Variants in FNDC3B observed in about 807,000 individuals in gnomAD.
FNDC3B encodes fibronectin type III domain-containing protein 3B.
FNDC3B carries 12 observed loss-of-function variants against 151.5 expected under a neutral mutation model. The ratio of observed to expected loss-of-function variants is 0.08; its 90% confidence interval spans 0.05 to 0.13. The LOEUF is 0.13. FNDC3B is among the 10% of genes least tolerant of loss of function. The pLI, the probability that FNDC3B is intolerant of heterozygous loss-of-function variation, is 1.00. For missense variants in FNDC3B, 1,214 were observed against 1,505.3 expected (o/e 0.81, Z 3.20); for synonymous variants, 528 against 549.0 (o/e 0.96, Z 0.54).
At chr3:172,346,137 C>CTAA in intron 19 of FNDC3B, 190 bp from the exon 20 acceptor site, 1 of 355,634 alleles carries the variant, frequency 2.8e-6, no homozygotes, top group Admixed American at 4.6e-5. Flanking sequence ...TACTCAGGGA[C>CTAA]TGTATATAGG....
chr3:172,393,010 T>C (rs1465866150), intron 25 of FNDC3B, among the ~76,000 whole-genome samples: 6 of 151,830 alleles, frequency 4.0e-5, no homozygotes, highest in Non-Finnish European at 8.8e-5. Flanking sequence ...ACCATGTTGG[T>C]CACGCTGGTC....
chr3:172,151,253 T>A (rs1030167043), intron 3 of FNDC3B, among the ~76,000 whole-genome samples: 1 of 152,238 alleles, frequency 6.6e-6, no homozygotes, highest in Non-Finnish European at 1.5e-5. Flanking sequence ...CACTTCCGTG[T>A]GTTCTGCTTT....
chr3:172,372,353 G>A (rs1360231129), intron 23 of FNDC3B, among the ~76,000 whole-genome samples: 1 of 152,140 alleles, frequency 6.6e-6, no homozygotes, highest in African/African-American at 2.4e-5. Flanking sequence ...GCGTGGGCTG[G>A]GGCTCCTGTG....
At chr3:172,350,250 G>A (rs1035632329) in intron 21 of FNDC3B, among the ~76,000 whole-genome samples, 1 of 152,112 alleles carries the variant, frequency 6.6e-6, no homozygotes. Flanking sequence ...TATGAATTAG[G>A]CATTACTGTC....
chr3:172,122,133 CTCTTT>C (rs371678412), intron 2 of FNDC3B, among the ~76,000 whole-genome samples: 155 of 152,318 alleles, frequency 1.0e-3, no homozygotes, highest in African/African-American at 3.5e-3. Flanking sequence ...TGTAGGCAGA[CTCTTT>C]TCTTTTTTAG....
chr3:172,386,966 CT>C (rs1334924713), intron 25 of FNDC3B, among the ~76,000 whole-genome samples: 2 of 151,362 alleles, frequency 1.3e-5, no homozygotes, highest in Admixed American at 1.3e-4. Flanking sequence ...TTGGAGCCTC[CT>C]TTTTTTTGAG....
chr3:172,344,115 G>T lies in FNDC3B; in HGVS notation c.2107G>T (p.Val703Phe). Residue 703 changes from valine (V) to phenylalanine (F), a missense_variant, in exon 19 of 26, where the codon GTC becomes TTC. Around this residue, in one of 7 missense-constraint regions of FNDC3B, gnomAD observed 380 missense variants for 420.9 expected, o/e 0.90. Transcript: ENST00000415807. The part of the protein sequence containing the change: ...DVPASESGCE[V>F]SEYSVEMTEP... ...TCCTGCATCGGAAAGTGGCTGTGAG[G>T]TCTCAGAGTACAGCGTGGAGATGAC... 6.2e-7 allele frequency: 1 copy of T among 1,613,040 alleles called. No homozygotes were observed. Among genetic ancestry groups the T allele is most frequent in the Non-Finnish European group, 8.5e-7 (1 of 1,179,468 alleles).
At chr3:172,323,841 A>C (rs1405812078) in intron 11 of FNDC3B, among the ~76,000 whole-genome samples, 1 of 152,176 alleles carries the variant, frequency 6.6e-6, no homozygotes, top group Non-Finnish European at 1.5e-5. Context: ...TGAAACCAAA[A>C]ATGCATGACC....
chr3:172,327,521 C>A (rs1732419567), intron 11 of FNDC3B, among the ~76,000 whole-genome samples: 1 of 152,194 alleles, frequency 6.6e-6, no homozygotes, highest in Admixed American at 6.5e-5. Context: ...CCTCCTCAGC[C>A]CCCTGAGTAG....
intron 1 of FNDC3B, among the ~76,000 whole-genome samples, chr3:172,050,718 TG>T (rs1716601136): frequency 6.7e-6 from 1 of 149,892 alleles, no homozygotes; most frequent in Non-Finnish European, 1.5e-5. Flanking sequence ...TGTGTGTGTG[TG>T]TGTGTGTGTG....
At chr3:172,076,567 A>G (rs764990030) in intron 1 of FNDC3B, among the ~76,000 whole-genome samples, 30 of 152,334 alleles carry the variant, frequency 2.0e-4, no homozygotes, top group South Asian at 6.2e-4. Context: ...TGAAATGTCA[A>G]TTTCTGGGAA....
At chr3:172,152,216 C>T (rs1559990744) in intron 3 of FNDC3B, among the ~76,000 whole-genome samples, 1 of 152,190 alleles carries the variant, frequency 6.6e-6, no homozygotes, top group Non-Finnish European at 1.5e-5. Flanking sequence ...TAGGTGGCCT[C>T]CTGGCTCTGT....
At chr3:172,251,741 A>G (rs1335388206) in intron 6 of FNDC3B, among the ~76,000 whole-genome samples, 200 bp downstream of exon 6, 3 of 152,254 alleles carry the variant, frequency 2.0e-5, no homozygotes, top group African/African-American at 4.8e-5. Flanking sequence ...ACTTCATGGC[A>G]GAAATACTAC....
chr3:172,194,467 A>G (rs1724727818), intron 3 of FNDC3B, among the ~76,000 whole-genome samples: 1 of 152,002 alleles, frequency 6.6e-6, no homozygotes, highest in South Asian at 2.1e-4. Flanking sequence ...CTTCGTACTC[A>G]CTCCAAAGTT....
chr3:172,367,225 T>G (rs558755862), intron 23 of FNDC3B, among the ~76,000 whole-genome samples: 4 of 152,196 alleles, frequency 2.6e-5, no homozygotes, highest in African/African-American at 9.7e-5. Flanking sequence ...GCTTCATATT[T>G]ATAGAACTAA....
In FNDC3B at chr3:172,399,317, A is replaced by G. The variant is rs2431; in HGVS notation, c.*1842A>G. 13,218 of 152,580 alleles carry G rather than the reference A, an allele frequency of 0.087. 1,596 individuals are homozygous for G. The highest frequency in any genetic ancestry group is 0.62 in the East Asian group (3,203 of 5,160). The allele number at this position is 152,580 out of a possible 1,614,324, so 9.5% of individuals were successfully genotyped here. On this transcript the variant is annotated 3_prime_UTR_variant, in exon 26 of 26. Coordinates refer to ENST00000415807, the MANE Select transcript of FNDC3B (RefSeq NM_022763.4). ...TTTAGGTCAGTCTTGTTCCTTGGCA[A>G]CATCTGTAGTATTATTAATCTTCTG...
At chr3:172,373,766 C>T (rs1734992424) in intron 23 of FNDC3B, among the ~76,000 whole-genome samples, 2 of 152,180 alleles carry the variant, frequency 1.3e-5, no homozygotes, top group African/African-American at 4.8e-5. Context: ...ATACAAATGG[C>T]CATAAATCAC....
chr3:172,167,552 T>C (rs920471527), intron 3 of FNDC3B, among the ~76,000 whole-genome samples: 2 of 152,194 alleles, frequency 1.3e-5, no homozygotes, highest in Non-Finnish European at 2.9e-5. Flanking sequence ...TCTACTGAGA[T>C]TTGCATGTAG....
chr3:172,213,870 A>T (rs1039342528), intron 3 of FNDC3B, among the ~76,000 whole-genome samples: 1 of 152,030 alleles, frequency 6.6e-6, no homozygotes, highest in Admixed American at 6.5e-5. Flanking sequence ...CCAAATGTAG[A>T]CCCTTGATTT....
Sources: allele counts gnomAD v4.1 joint callset (sites outside exome capture counted in the v4.1 genomes callset), GRCh38; gene constraint gnomAD v4.1.1; regional missense constraint gnomAD v4.1.1; transcripts MANE v1.5; gene names NCBI Gene and HGNC (gene_info 2026-07-23, HGNC 2026-07-21).